LINGO1: variants seen among roughly 807,000 people sequenced by gnomAD.
LINGO1 encodes the protein leucine-rich repeat and immunoglobulin-like domain-containing nogo receptor-interacting protein 1.
LINGO1 carries 11 observed loss-of-function variants against 37.3 expected under a neutral mutation model. The ratio of observed to expected loss-of-function variants is 0.29; its 90% confidence interval spans 0.19 to 0.49. The LOEUF is 0.49. LINGO1 is among the 20% of genes least tolerant of loss of function. The probability of loss-of-function intolerance (pLI) is 0.99; values close to 1 mark genes in which losing one functional copy is unlikely to be tolerated. For missense variants in LINGO1, 585 were observed against 878.2 expected (o/e 0.67, Z 4.22); for synonymous variants, 387 against 403.0 (o/e 0.96, Z 0.48).
Position 77,616,473 on chromosome 15 carries a change from G to C in LINGO1, c.7-573C>G, listed in dbSNP as rs571504498. Among the ~76,000 whole-genome samples the C allele has an allele frequency of 2.6e-5, 4 of 152,286 alleles. No homozygotes were observed. In the East Asian group the frequency reaches 7.7e-4, roughly 29 times the overall value. Reference sequence around the variant, plus strand: ...GCCCTGAGTCTCCCCCGGTGCAGACGCCATGCCCCCTCCCCATCAGCTCTG... The same window carrying C: ...GCCCTGAGTCTCCCCCGGTGCAGACCCCATGCCCCCTCCCCATCAGCTCTG... On this transcript the variant is annotated intron_variant, in intron 1 of 1. Coordinates refer to ENST00000355300, the MANE Select transcript of LINGO1 (RefSeq NM_032808.7).
In LINGO1 at chr15:77,760,738, C is replaced by T. The variant is rs568806016; in HGVS notation, c.-256-25685G>A. ...TATCTAAATCTCCCCCTATGTCCTGCCTGGGGCTGGAGGAACTGGGACACA... is the reference window on the plus strand; with the variant it reads ...TATCTAAATCTCCCCCTATGTCCTGTCTGGGGCTGGAGGAACTGGGACACA... On this transcript the variant is annotated intron_variant, in intron 1 of 3. Coordinates refer to the LINGO1 transcript ENST00000561686. Among the ~76,000 whole-genome samples the T allele has an allele frequency of 2.0e-5, 3 of 152,126 alleles. No homozygotes were observed. In the South Asian group the frequency reaches 6.2e-4, roughly 32 times the overall value.
chr15:77,689,556 C>G (rs1429678099), intron 2 of LINGO1, among the ~76,000 whole-genome samples: 3 of 152,208 alleles, frequency 2.0e-5, no homozygotes, highest in Non-Finnish European at 4.4e-5. Context: ...TGGCTCACGG[C>G]CAATGACTGA....
chr15:77,675,275 C>G (rs1338281052), intron 3 of LINGO1, among the ~76,000 whole-genome samples: 1 of 152,146 alleles, frequency 6.6e-6, no homozygotes, highest in East Asian at 1.9e-4. Flanking sequence ...AAGTCCATTT[C>G]CAGAAACATT....
At chr15:77,677,564 C>T (rs1197617316) in intron 2 of LINGO1, among the ~76,000 whole-genome samples, 2 of 152,126 alleles carry the variant, frequency 1.3e-5, no homozygotes, top group Non-Finnish European at 2.9e-5. Flanking sequence ...CTGCTACCAA[C>T]AAATGTGTCC....
chr15:77,683,280 T>G (rs1488701681), intron 2 of LINGO1, among the ~76,000 whole-genome samples: 1 of 152,160 alleles, frequency 6.6e-6, no homozygotes, highest in Non-Finnish European at 1.5e-5. Context: ...GGGGGCAGCA[T>G]CAGCTGGCCC....
At chr15:77,701,134 C>A (rs1268514937), upstream of LINGO1, among the ~76,000 whole-genome samples, 1 of 152,212 alleles carries the variant, frequency 6.6e-6, no homozygotes. Flanking sequence ...AATGACAGAG[C>A]TGGGATGCAC....
intron 3 of LINGO1, among the ~76,000 whole-genome samples, chr15:77,671,524 C>T (rs1000787105): frequency 1.3e-5 from 2 of 152,208 alleles, no homozygotes; most frequent in African/African-American, 2.4e-5. Context: ...ATCAGTGCCC[C>T]GGGGCAGAGT....
rs2075960254 is a variant in LINGO1, at chr15:77,714,565, G to A, written c.-195+20427C>T. Among the ~76,000 whole-genome samples the A allele has an allele frequency of 2.6e-5, 4 of 152,164 alleles. No homozygotes were observed. In the South Asian group the frequency reaches 8.3e-4, roughly 32 times the overall value. On this transcript the variant is annotated intron_variant, in intron 2 of 3. Coordinates refer to the LINGO1 transcript ENST00000561686. Reference sequence around the variant, plus strand: ...CCTCACCTGAGGGCCCCGTTGCCCAGTCTTACCAGCTGTCCCTATTCATCC... The same window carrying A: ...CCTCACCTGAGGGCCCCGTTGCCCAATCTTACCAGCTGTCCCTATTCATCC...
chr15:77,675,873 C>G (rs2075318946), intron 3 of LINGO1, among the ~76,000 whole-genome samples: 1 of 152,172 alleles, frequency 6.6e-6, no homozygotes, highest in Non-Finnish European at 1.5e-5. Context: ...CTGCCTCATC[C>G]CTGTTACCCC....
intron 1 of LINGO1, among the ~76,000 whole-genome samples, chr15:77,752,421 C>T (rs1259091985): frequency 6.6e-6 from 1 of 152,224 alleles, no homozygotes; most frequent in Non-Finnish European, 1.5e-5. Context: ...CCGGCAAACC[C>T]ACTCAGGCAG....
upstream of LINGO1, among the ~76,000 whole-genome samples, chr15:77,789,235 G>A (rs2076799588): frequency 6.6e-6 from 1 of 152,204 alleles, no homozygotes; most frequent in South Asian, 2.1e-4. Flanking sequence ...GGCCATTTGA[G>A]ATATAATTAG....
intron 2 of LINGO1, among the ~76,000 whole-genome samples, chr15:77,701,543 C>A (rs2075783057): frequency 1.3e-5 from 2 of 152,134 alleles, no homozygotes; most frequent in African/African-American, 4.8e-5. Flanking sequence ...TGAAATGTGA[C>A]CTCCTGTGTT....
upstream of LINGO1, among the ~76,000 whole-genome samples, chr15:77,789,439 T>A (rs1287617166): frequency 1.3e-5 from 2 of 152,068 alleles, no homozygotes; most frequent in Non-Finnish European, 2.9e-5. Flanking sequence ...AAACCCCATC[T>A]CTACTAAAAA....
chr15:77,758,689 C>A (rs2076444813), intron 1 of LINGO1, among the ~76,000 whole-genome samples: 1 of 152,258 alleles, frequency 6.6e-6, no homozygotes, highest in East Asian at 1.9e-4. Context: ...AGCTGCTTAC[C>A]CTCTCTGTGC....
intron 2 of LINGO1, among the ~76,000 whole-genome samples, chr15:77,706,976 T>C (rs1417863115): frequency 6.6e-6 from 1 of 152,234 alleles, no homozygotes; most frequent in African/African-American, 2.4e-5. Context: ...GCAATGCCCA[T>C]GGCTGTGGCT....
intron 1 of LINGO1, among the ~76,000 whole-genome samples, chr15:77,749,025 A>G (rs1365916006): frequency 1.4e-5 from 2 of 147,354 alleles, no homozygotes; most frequent in Non-Finnish European, 3.0e-5. Context: ...CTCCTACCTC[A>G]GCCTCCTGAG....
At chr15:77,692,337 G>A (rs574407471) in intron 1 of LINGO1, among the ~76,000 whole-genome samples, 15 of 152,184 alleles carry the variant, frequency 9.9e-5, no homozygotes, top group Non-Finnish European at 2.1e-4. Flanking sequence ...ATTCTGCAAG[G>A]TCTAGTACTG....
chr15:77,754,841 T>C (rs1596192764), intron 1 of LINGO1, among the ~76,000 whole-genome samples: 1 of 152,226 alleles, frequency 6.6e-6, no homozygotes, highest in Non-Finnish European at 1.5e-5. Context: ...AGCTCTGCCC[T>C]CAGTCACTGA....
intron 2 of LINGO1, among the ~76,000 whole-genome samples, chr15:77,719,883 CACA>C (rs2076029912): frequency 3.5e-5 from 4 of 115,080 alleles, no homozygotes; most frequent in Non-Finnish European, 7.9e-5. Flanking sequence ...TGCATACACA[CACA>C]TACACACACA....
Sources: gnomAD v4.1 joint callset for allele counts (sites outside exome capture counted in the v4.1 genomes callset) on GRCh38, gnomAD v4.1.1 for gene constraint, MANE v1.5 for transcripts, NCBI Gene and HGNC (gene_info 2026-07-23, HGNC 2026-07-21) for gene names.